Variants in CFAP95 observed in about 807,000 individuals in gnomAD.
CFAP95 encodes cilia and flagella associated protein 95, also known as cilia- and flagella-associated protein 95.
the CFAP95 span, among the ~76,000 whole-genome samples, chr9:69,834,680 A>T: frequency 2.0e-5 from 3 of 152,202 alleles, no homozygotes; most frequent in African/African-American, 7.2e-5. Flanking sequence ...GGTCTTATTT[A>T]TGTGCCACTC....
At chr9:69,855,588 A>G in the CFAP95 span, among the ~76,000 whole-genome samples, 1 of 152,170 alleles carries the variant, frequency 6.6e-6, no homozygotes, top group Non-Finnish European at 1.5e-5. Flanking sequence ...GAGGATAGTC[A>G]TTCAGGAGGT....
the CFAP95 span, among the ~76,000 whole-genome samples, chr9:69,905,371 C>A: frequency 6.6e-6 from 1 of 152,108 alleles, no homozygotes; most frequent in Non-Finnish European, 1.5e-5. Flanking sequence ...ATCAATATAT[C>A]TTTTGGGAAA....
the CFAP95 span, among the ~76,000 whole-genome samples, chr9:69,826,542 CT>C: frequency 6.6e-6 from 1 of 152,184 alleles, no homozygotes; most frequent in African/African-American, 2.4e-5. Context: ...TGCAGCCTGT[CT>C]TTTTGCTGAA....
At chr9:69,852,019 G>A in the CFAP95 span, among the ~76,000 whole-genome samples, 154 of 152,078 alleles carry the variant, frequency 1.0e-3, no homozygotes, top group Non-Finnish European at 1.7e-3. Context: ...ATTTGCAGAG[G>A]CCTCTCTCGG....
chr9:69,883,539 G>T, the CFAP95 span, among the ~76,000 whole-genome samples: 1 of 152,162 alleles, frequency 6.6e-6, no homozygotes, highest in Admixed American at 6.6e-5. Flanking sequence ...GGTGGTGTTT[G>T]TCCAAGATGG....
the CFAP95 span, among the ~76,000 whole-genome samples, chr9:69,852,165 ATT>A: frequency 1.7e-5 from 2 of 118,518 alleles, no homozygotes. Context: ...CTTTGTATAT[ATT>A]TTTTTTTTTT....
chr9:69,872,410 A>G, the CFAP95 span, among the ~76,000 whole-genome samples: 1 of 152,318 alleles, frequency 6.6e-6, no homozygotes, highest in South Asian at 2.1e-4. Flanking sequence ...CATTTATTCT[A>G]TAAATATTTA....
At chr9:69,831,469 T>C in the CFAP95 span, among the ~76,000 whole-genome samples, 1 of 152,158 alleles carries the variant, frequency 6.6e-6, no homozygotes, top group South Asian at 2.1e-4. Context: ...AGTGTATTTA[T>C]GAATCCATTG....
chr9:69,824,836 C>T, the CFAP95 span, among the ~76,000 whole-genome samples: 12 of 152,148 alleles, frequency 7.9e-5, no homozygotes, highest in African/African-American at 2.9e-4. Context: ...TCACAGAAAC[C>T]TAACCTTGTA....
chr9:69,827,727 C>A, the CFAP95 span, among the ~76,000 whole-genome samples: 1 of 152,152 alleles, frequency 6.6e-6, no homozygotes, highest in Non-Finnish European at 1.5e-5. Flanking sequence ...GACTTGGTGT[C>A]TCTGCCTCCA....
At chr9:69,890,670 G>A in the CFAP95 span, among the ~76,000 whole-genome samples, 1 of 152,164 alleles carries the variant, frequency 6.6e-6, no homozygotes, top group African/African-American at 2.4e-5. Flanking sequence ...CATTCATTCG[G>A]TCTACTACAT....
chr9:69,840,869 C>T, the CFAP95 span, among the ~76,000 whole-genome samples: 1 of 151,934 alleles, frequency 6.6e-6, no homozygotes, highest in South Asian at 2.1e-4. Context: ...CGAGGAAATG[C>T]CAGTTACATT....
chr9:69,873,691 G>A, the CFAP95 span, among the ~76,000 whole-genome samples: 494 of 152,350 alleles, frequency 3.2e-3, 5 homozygotes, highest in African/African-American at 0.011. Flanking sequence ...TGACCCGTCT[G>A]ATTTGGTGAA....
the CFAP95 span, among the ~76,000 whole-genome samples, chr9:69,846,269 A>G: frequency 1.3e-5 from 2 of 152,124 alleles, no homozygotes; most frequent in African/African-American, 4.8e-5. Flanking sequence ...AGGAACCACA[A>G]ACATTCCCTC....
chr9:69,894,854 G>C, the CFAP95 span, among the ~76,000 whole-genome samples: 8 of 152,126 alleles, frequency 5.3e-5, no homozygotes, highest in Admixed American at 5.2e-4. Flanking sequence ...TTGAGCTTAG[G>C]AGTTCCAGGC....
At chr9:69,848,349 AAAG>A in the CFAP95 span, among the ~76,000 whole-genome samples, 2 of 152,152 alleles carry the variant, frequency 1.3e-5, no homozygotes, top group African/African-American at 4.8e-5. Flanking sequence ...TGTAGAAGGA[AAAG>A]AAGGAGAGAT....
the CFAP95 span, among the ~76,000 whole-genome samples, chr9:69,869,978 T>C: frequency 1.3e-5 from 2 of 152,192 alleles, no homozygotes; most frequent in Non-Finnish European, 2.9e-5. Context: ...TATGTATCTT[T>C]GAGTTACAGA....
chr9:69,845,534 G>T, the CFAP95 span, among the ~76,000 whole-genome samples: 31 of 152,194 alleles, frequency 2.0e-4, no homozygotes, highest in Non-Finnish European at 3.7e-4. Flanking sequence ...ATTGGAAATT[G>T]TTCTAGAAGA....
the CFAP95 span, among the ~76,000 whole-genome samples, chr9:69,821,281 G>T: frequency 4.6e-5 from 7 of 152,242 alleles, no homozygotes; most frequent in South Asian, 8.3e-4. Flanking sequence ...AAAAGGGAAA[G>T]AAATATTTTC....
Sources: gnomAD v4.1 joint callset for allele counts (sites outside exome capture counted in the v4.1 genomes callset) on GRCh38, gnomAD v4.1.1 for gene constraint, MANE v1.5 for transcripts, NCBI Gene and HGNC (gene_info 2026-07-23, HGNC 2026-07-21) for gene names.